The following PLCB1 variants were observed in gnomAD, a reference collection of about 807,000 sequenced individuals.
The protein encoded by PLCB1 is 1-phosphatidylinositol 4,5-bisphosphate phosphodiesterase beta-1.
In PLCB1, 46 loss-of-function variants were observed where a neutral mutation model predicts 161.8. That is an observed-to-expected ratio of 0.28 (90% CI 0.22 to 0.36). PLCB1 has a LOEUF of 0.36. Ranked by LOEUF, PLCB1 falls within the 10% of genes least tolerant of loss-of-function variation. The probability of loss-of-function intolerance (pLI) is 1.00; values close to 1 mark genes in which losing one functional copy is unlikely to be tolerated. For missense variants in PLCB1, 1,016 were observed against 1,472.5 expected, an observed-to-expected ratio of 0.69 and a Z score of 5.07; for synonymous variants, 517 against 503.7, an observed-to-expected ratio of 1.03 and a Z score of -0.35.
intron 2 of PLCB1, among the ~76,000 whole-genome samples, chr20:8,162,150 A>G (rs2051631374): frequency 6.6e-6 from 1 of 152,100 alleles, no homozygotes; most frequent in East Asian, 1.9e-4. Context: ...CCATTCCCTG[A>G]ATGTTACAGG....
chr20:8,456,194 A>G (rs1285236761), intron 3 of PLCB1, among the ~76,000 whole-genome samples: 1 of 152,212 alleles, frequency 6.6e-6, no homozygotes, highest in Non-Finnish European at 1.5e-5. Context: ...CTATTTTAGC[A>G]TACAACGACT....
intron 3 of PLCB1, among the ~76,000 whole-genome samples, chr20:8,475,921 A>C (rs1306384555): frequency 6.6e-6 from 1 of 152,222 alleles, no homozygotes; most frequent in Admixed American, 6.5e-5. Context: ...GACAGTATCT[A>C]ACACACTGTC....
chr20:8,413,984 CT>C, intron 3 of PLCB1, among the ~76,000 whole-genome samples: 1 of 152,142 alleles, frequency 6.6e-6, no homozygotes, highest in East Asian at 1.9e-4. Context: ...CATATGGCCA[CT>C]CCTGACTTCC....
chr20:8,805,639 ATCT>A (rs1466109746), intron 31 of PLCB1, among the ~76,000 whole-genome samples: 3 of 152,240 alleles, frequency 2.0e-5, no homozygotes, highest in Non-Finnish European at 4.4e-5. Flanking sequence ...AACATGTGTT[ATCT>A]TCTTATTCTT....
At chr20:8,184,678 A>G (rs1256559821) in intron 2 of PLCB1, among the ~76,000 whole-genome samples, 1 of 151,502 alleles carries the variant, frequency 6.6e-6, no homozygotes, top group African/African-American at 2.4e-5. Flanking sequence ...AAGAAAACCC[A>G]TTCATGATAG....
intron 11 of PLCB1, among the ~76,000 whole-genome samples, chr20:8,698,583 A>G (rs905131887): frequency 2.0e-5 from 3 of 152,172 alleles, no homozygotes; most frequent in African/African-American, 7.2e-5. Context: ...GAACATACCT[A>G]TGGTCAAGTT....
chr20:8,721,513 T>A (rs1979631720), intron 14 of PLCB1, among the ~76,000 whole-genome samples: 1 of 152,184 alleles, frequency 6.6e-6, no homozygotes, highest in African/African-American at 2.4e-5. Context: ...CTAGCAGAAA[T>A]GTCCATTAAT....
chr20:8,176,448 G>A lies in PLCB1; in HGVS notation c.177+26077G>A, dbSNP rs149066525. Among the ~76,000 whole-genome samples the A allele has an allele frequency of 1.2e-3, 179 of 152,268 alleles. 2 individuals are homozygous for A. In the South Asian group the frequency reaches 0.012, roughly 10 times the overall value. ...TTTTGCAATGGCAAAATTTTAATGA[G>A]GGACAATTTTGTGTCTGTAAAGTGT... On this transcript the variant is annotated intron_variant, in intron 2 of 31. Transcript: ENST00000338037.
At chr20:8,225,867 A>G (rs1979653805) in intron 2 of PLCB1, among the ~76,000 whole-genome samples, 1 of 152,228 alleles carries the variant, frequency 6.6e-6, no homozygotes, top group Non-Finnish European at 1.5e-5. Flanking sequence ...TTTCAAGTTT[A>G]TCTTTGTTTA....
At chr20:8,148,723 G>A (rs1410606656) in intron 1 of PLCB1, among the ~76,000 whole-genome samples, 1 of 152,180 alleles carries the variant, frequency 6.6e-6, no homozygotes, top group Admixed American at 6.5e-5. Context: ...GCTTTAAACA[G>A]GAAGGAGATA....
intron 2 of PLCB1, among the ~76,000 whole-genome samples, chr20:8,199,090 T>A (rs1163508041): frequency 1.3e-5 from 2 of 152,080 alleles, no homozygotes; most frequent in African/African-American, 4.8e-5. Context: ...ACCAAAAGTG[T>A]GTGTGTGTGT....
chr20:8,788,455 C>G lies in PLCB1; in HGVS notation c.3118C>G (p.Gln1040Glu), dbSNP rs757073734. 1 of 1,612,540 alleles carries G rather than the reference C, an allele frequency of 6.2e-7. No homozygotes were observed. The highest frequency in any genetic ancestry group is 1.1e-5 in the South Asian group (1 of 90,482). ...QKREHIKLLIQKLTDVAEECQ... is the reference protein window; with the variant it reads ...QKREHIKLLIEKLTDVAEECQ... ...TGACATTTTCTTTTTCCAGCTTATT[C>G]AAAAGTTGACGGATGTCGCAGAAGA... The change falls in exon 28 of 32, where the codon CAA becomes GAA. Residue 1040 changes from glutamine (Q) to glutamate (E), a missense_variant. Gln to Glu is a conservative substitution (Grantham distance 29). Transcript: ENST00000338037.
chr20:8,790,287 C>G lies in PLCB1; in HGVS notation c.3423+26C>G, dbSNP rs550363130. 2.6e-5 allele frequency: 40 copies of G among 1,523,738 alleles called. No homozygotes were observed. In the South Asian group the frequency reaches 3.8e-4, roughly 15 times the overall value. 94.4% of individuals were successfully genotyped at this position (1,523,738 alleles called of 1,614,324 possible). On this transcript the variant is annotated intron_variant, in intron 31 of 31. Transcript: ENST00000338037. Reference sequence around the variant, plus strand: ...GTAAACGGAACTGAATTAAAATGAACAATTATTTTATTTGATTTCCATTTA... The same window carrying G: ...GTAAACGGAACTGAATTAAAATGAAGAATTATTTTATTTGATTTCCATTTA...
chr20:8,649,667 C>G lies in PLCB1; in HGVS notation c.594+218C>G, dbSNP rs202146126. 7.4e-6 allele frequency: 4 copies of G among 540,216 alleles called. No individual in the cohort carries two copies. In the Admixed American group the frequency reaches 1.2e-4, roughly 17 times the overall value. 33.5% of individuals were successfully genotyped at this position (540,216 alleles called of 1,614,324 possible). On this transcript the variant is annotated intron_variant, in intron 7 of 31. Transcript: ENST00000338037. ...CAGACCTGAGCTAGCATGTTCTTCC[C>G]CCTCACCATCTGATTCCCTGTGCCA...
chr20:8,265,404 G>C (rs1981908351), intron 2 of PLCB1, among the ~76,000 whole-genome samples: 1 of 152,170 alleles, frequency 6.6e-6, no homozygotes, highest in Non-Finnish European at 1.5e-5. Flanking sequence ...GCCAATGGGT[G>C]GGGGAGGCAT....
chr20:8,654,799 T>G (rs997894798), intron 7 of PLCB1, among the ~76,000 whole-genome samples: 1 of 152,036 alleles, frequency 6.6e-6, no homozygotes, highest in African/African-American at 2.4e-5. Context: ...AAAGAGAAAG[T>G]CTGTGAATTA....
At chr20:8,243,856 A>C (rs1057081796) in intron 2 of PLCB1, among the ~76,000 whole-genome samples, 2 of 151,984 alleles carry the variant, frequency 1.3e-5, no homozygotes, top group Non-Finnish European at 2.9e-5. Context: ...TGCTGTTAGT[A>C]ATGAATCTGT....
chr20:8,181,243 T>TG (rs2051840193), intron 2 of PLCB1, among the ~76,000 whole-genome samples: 1 of 113,338 alleles, frequency 8.8e-6, no homozygotes, highest in Admixed American at 9.2e-5. Context: ...AATGAGACTC[T>TG]GTCTCAAAAA....
chr20:8,440,003 C>T (rs1414981329), intron 3 of PLCB1, among the ~76,000 whole-genome samples: 1 of 152,014 alleles, frequency 6.6e-6, no homozygotes, highest in East Asian at 1.9e-4. Flanking sequence ...GTACATAAGG[C>T]AGTTATACAA....
Sources: allele counts gnomAD v4.1 joint callset (sites outside exome capture counted in the v4.1 genomes callset), GRCh38; gene constraint gnomAD v4.1.1; transcripts MANE v1.5; gene names NCBI Gene and HGNC (gene_info 2026-07-23, HGNC 2026-07-21).